The following HIVEP3 variants were observed in gnomAD, a reference collection of about 807,000 sequenced individuals.
The protein encoded by HIVEP3 is HIVEP zinc finger 3.
A neutral mutation model predicts 152.8 loss-of-function variants in HIVEP3; 49 were observed. The observed-to-expected ratio is 0.32, with a 90% confidence interval of 0.26 to 0.41. The LOEUF is 0.41. Ranked by LOEUF, HIVEP3 falls within the 10% of genes least tolerant of loss-of-function variation. The probability of loss-of-function intolerance (pLI) is 1.00; values close to 1 mark genes in which losing one functional copy is unlikely to be tolerated. For missense variants in HIVEP3, 2,790 were observed against 3,103.3 expected (o/e 0.90, Z 2.40); for synonymous variants, 1,269 against 1,289.0 (o/e 0.98, Z 0.33).
At chr1:41,676,882 G>A (rs747631763) in intron 2 of HIVEP3, among the ~76,000 whole-genome samples, 1 of 152,174 alleles carries the variant, frequency 6.6e-6, no homozygotes, top group Non-Finnish European at 1.5e-5. Flanking sequence ...TGCAACAGCT[G>A]GGAGGAAAGT....
chr1:41,842,582 C>T (rs1430887983), intron 1 of HIVEP3, among the ~76,000 whole-genome samples: 4 of 152,140 alleles, frequency 2.6e-5, no homozygotes, highest in Admixed American at 6.5e-5. Context: ...GCTCCACGTG[C>T]CCCTGAGATA....
intron 1 of HIVEP3, among the ~76,000 whole-genome samples, chr1:41,909,939 T>C (rs1264501801): frequency 8.6e-5 from 13 of 152,040 alleles, no homozygotes; most frequent in Non-Finnish European, 1.6e-4. Flanking sequence ...TATCAAAATT[T>C]ATGAAGTTAG....
intron 2 of HIVEP3, among the ~76,000 whole-genome samples, chr1:41,641,548 G>T (rs1228983542): frequency 6.6e-6 from 1 of 152,264 alleles, no homozygotes; most frequent in Admixed American, 6.5e-5. Context: ...GTCTGCTGTG[G>T]TGTTCTTCCT....
intron 1 of HIVEP3, among the ~76,000 whole-genome samples, chr1:41,749,265 C>A (rs942681688): frequency 2.0e-5 from 3 of 152,178 alleles, no homozygotes; most frequent in Non-Finnish European, 1.5e-5. Context: ...CCTCTGGCAT[C>A]CATGACCATT....
chr1:41,605,404 C>CACAT (rs993172893), intron 3 of HIVEP3, among the ~76,000 whole-genome samples: 2 of 147,984 alleles, frequency 1.4e-5, no homozygotes, highest in East Asian at 3.9e-4. Context: ...CACACACACA[C>CACAT]ACATACATAT....
At chr1:41,868,955 G>A (rs1293232040) in intron 1 of HIVEP3, among the ~76,000 whole-genome samples, 1 of 152,228 alleles carries the variant, frequency 6.6e-6, no homozygotes, top group Non-Finnish European at 1.5e-5. Context: ...TTGTAAGTGA[G>A]GAAGCAACAG....
At chr1:41,851,173 C>T (rs182073419) in intron 1 of HIVEP3, among the ~76,000 whole-genome samples, 181 of 152,252 alleles carry the variant, frequency 1.2e-3, no homozygotes, top group African/African-American at 4.3e-3. Context: ...TTCTGTCTAC[C>T]ACTATAACCG....
intron 1 of HIVEP3, among the ~76,000 whole-genome samples, chr1:41,859,933 C>A (rs143150272): frequency 2.0e-5 from 3 of 152,184 alleles, no homozygotes; most frequent in African/African-American, 7.2e-5. Flanking sequence ...TTGAGCAGGG[C>A]CAGGTGGTTG....
chr1:41,525,177 G>T (rs1333430617), intron 5 of HIVEP3, among the ~76,000 whole-genome samples: 1 of 152,210 alleles, frequency 6.6e-6, no homozygotes, highest in Non-Finnish European at 1.5e-5. Flanking sequence ...CCCACTGAGG[G>T]GATGTGGAGC....
chr1:41,687,674 C>CT (rs1646134348), intron 2 of HIVEP3, among the ~76,000 whole-genome samples: 1 of 152,260 alleles, frequency 6.6e-6, no homozygotes, highest in Non-Finnish European at 1.5e-5. Context: ...GGTGCCCCTT[C>CT]ATCATCTGAG....
intron 5 of HIVEP3, among the ~76,000 whole-genome samples, chr1:41,555,122 G>A (rs1217307503): frequency 6.6e-6 from 1 of 152,200 alleles, no homozygotes; most frequent in East Asian, 1.9e-4. Flanking sequence ...AGAGGCAACA[G>A]GCCTTGCTGA....
chr1:41,616,619 C>CT (rs1419822033), intron 3 of HIVEP3, among the ~76,000 whole-genome samples: 9 of 107,462 alleles, frequency 8.4e-5, no homozygotes, highest in Admixed American at 3.5e-4. Flanking sequence ...AGATGGGGAG[C>CT]CTTTTTTTTT....
chr1:41,821,731 G>A (rs989618976), intron 1 of HIVEP3, among the ~76,000 whole-genome samples: 1 of 152,208 alleles, frequency 6.6e-6, no homozygotes, highest in Admixed American at 6.5e-5. Context: ...TAGAGAGATG[G>A]GTAATGGGTA....
chr1:41,821,253 C>A lies in HIVEP3; in HGVS notation c.-801+97160G>T, dbSNP rs144352993. 7.2e-5 allele frequency among the ~76,000 whole-genome samples: 11 copies of A among 152,308 alleles called. 1 individual carries two copies. In the East Asian group the frequency reaches 2.1e-3, roughly 29 times the overall value. On this transcript the variant is annotated intron_variant, in intron 1 of 8. Transcript: ENST00000372583. ...CCCAGAGGTCCTCATCACCGGTCCT[C>A]ACTCCGTCTTCTCAGGCAGGTCTTA...
chr1:41,688,252 C>T (rs566314236), intron 2 of HIVEP3, among the ~76,000 whole-genome samples: 1 of 152,238 alleles, frequency 6.6e-6, no homozygotes, highest in Non-Finnish European at 1.5e-5. Context: ...CCTCTGGCCC[C>T]TCTGGGTGAC....
chr1:41,905,140 CT>C (rs566968974), intron 1 of HIVEP3, among the ~76,000 whole-genome samples: 33 of 152,154 alleles, frequency 2.2e-4, no homozygotes, highest in Non-Finnish European at 4.4e-4. Context: ...GTTGATGTGT[CT>C]GGACCCACAA....
At chr1:41,684,522 G>A (rs377708636) in intron 2 of HIVEP3, among the ~76,000 whole-genome samples, 5 of 152,190 alleles carry the variant, frequency 3.3e-5, no homozygotes, top group East Asian at 1.9e-4. Flanking sequence ...TGTGCAGGCC[G>A]AAGGTTCATC....
At chr1:41,979,194 A>C (rs1645281048) in intron 1 of HIVEP3, among the ~76,000 whole-genome samples, 2 of 152,210 alleles carry the variant, frequency 1.3e-5, no homozygotes, top group Admixed American at 6.5e-5. Flanking sequence ...ATTCTTAGGC[A>C]GATGAAAGTT....
chr1:41,912,666 T>C (rs1249129717), intron 1 of HIVEP3, among the ~76,000 whole-genome samples: 5 of 152,202 alleles, frequency 3.3e-5, no homozygotes, highest in Admixed American at 6.5e-5. Context: ...ATCTTCAAAA[T>C]GAGGGCATGG....
Sources: gnomAD v4.1 joint callset for allele counts (sites outside exome capture counted in the v4.1 genomes callset) on GRCh38, gnomAD v4.1.1 for gene constraint, MANE v1.5 for transcripts, NCBI Gene and HGNC (gene_info 2026-07-23, HGNC 2026-07-21) for gene names.